MID1: variants seen among roughly 807,000 people sequenced by gnomAD.
The protein encoded by MID1 is E3 ubiquitin-protein ligase Midline-1.
MID1 carries 7 observed loss-of-function variants against 40.4 expected under a neutral mutation model. That is an observed-to-expected ratio of 0.17 (90% CI 0.10 to 0.33). The LOEUF is 0.33. Ranked by LOEUF, MID1 falls within the 10% of genes least tolerant of loss-of-function variation. The probability of loss-of-function intolerance (pLI) is 1.00; values close to 1 mark genes in which losing one functional copy is unlikely to be tolerated. For missense variants in MID1, 367 were observed against 558.5 expected, an observed-to-expected ratio of 0.66 and a Z score of 3.46; for synonymous variants, 229 against 221.2, an observed-to-expected ratio of 1.04 and a Z score of -0.31.
intron 1 of MID1, among the ~76,000 whole-genome samples, chrX:10,811,360 G>T (rs1313616039): frequency 8.9e-6 from 1 of 112,138 alleles, no homozygotes; most frequent in Non-Finnish European, 1.9e-5. Flanking sequence ...ATGAGCCAAA[G>T]ACTGTTGTAA....
chrX:10,720,413 A>T (rs183815268), intron 1 of MID1, among the ~76,000 whole-genome samples: 187 of 112,514 alleles, frequency 1.7e-3, no homozygotes, highest in Non-Finnish European at 3.0e-3. Flanking sequence ...CTTCTCAAAG[A>T]AGACATTTAT....
At chrX:10,483,777 T>C (rs760777355) in intron 4 of MID1, among the ~76,000 whole-genome samples, 17 of 111,796 alleles carry the variant, frequency 1.5e-4, no homozygotes, top group Middle Eastern at 4.7e-3. Flanking sequence ...AACTCTAATC[T>C]AAGAAAAGGA....
At chrX:10,533,751 C>G (rs1028444408) in intron 2 of MID1, among the ~76,000 whole-genome samples, 19 of 111,340 alleles carry the variant, frequency 1.7e-4, no homozygotes, top group African/African-American at 6.2e-4. Flanking sequence ...TGAATAAATT[C>G]CTGTTTTATT....
intron 1 of MID1, among the ~76,000 whole-genome samples, chrX:10,663,923 A>T (rs774183477): frequency 2.7e-5 from 3 of 111,897 alleles, no homozygotes; most frequent in African/African-American, 9.7e-5. Context: ...ACATTGTATG[A>T]GTATACACGC....
rs1034326411 is a variant in MID1, at chrX:10,470,423, T to A, written c.1142-583A>T. On this transcript the variant is annotated intron_variant, in intron 6 of 9. Transcript: ENST00000317552. ...TGACCTATTAATACGTGGTGCCAGATACTTATATCTTTAGGCACCCAATTG... is the reference window on the plus strand; with the variant it reads ...TGACCTATTAATACGTGGTGCCAGAAACTTATATCTTTAGGCACCCAATTG... Among the ~76,000 whole-genome samples the A allele has an allele frequency of 7.1e-5, 8 of 112,302 alleles. No homozygotes were observed. In the East Asian group the frequency reaches 2.2e-3, roughly 31 times the overall value.
intron 1 of MID1, among the ~76,000 whole-genome samples, chrX:10,670,152 C>A (rs1167578538): frequency 8.9e-6 from 1 of 112,125 alleles, no homozygotes; most frequent in Admixed American, 9.4e-5. Context: ...ATAGTAGATA[C>A]CAAATAATTG....
chrX:10,717,349 G>T (rs2043312441), intron 1 of MID1, among the ~76,000 whole-genome samples: 1 of 101,156 alleles, frequency 9.9e-6, no homozygotes, highest in South Asian at 4.6e-4. Context: ...GATGGAGGAA[G>T]ATCTACCAAG....
intron 1 of MID1, among the ~76,000 whole-genome samples, chrX:10,601,075 C>A (rs1458730139): frequency 8.9e-6 from 1 of 112,331 alleles, no homozygotes; most frequent in African/African-American, 3.2e-5. Flanking sequence ...AAGAAAAGGT[C>A]TTATTAGCTG....
chrX:10,452,960 GATTAATACAGCAC>G (rs1928438451), intron 9 of MID1, among the ~76,000 whole-genome samples: 1 of 111,802 alleles, frequency 8.9e-6, no homozygotes, highest in South Asian at 3.7e-4. Context: ...TTCTATCCCA[GATTAATACAGCAC>G]ATTAATTAAC....
intron 5 of MID1, among the ~76,000 whole-genome samples, chrX:10,481,656 G>T (rs1930334211): frequency 9.0e-6 from 1 of 110,901 alleles, no homozygotes; most frequent in Admixed American, 9.5e-5. Flanking sequence ...ATGTTAGTCA[G>T]GCTGGTCTCG....
rs200576171 is a variant in MID1, at chrX:10,463,469, A to ACAT, written c.1286-3665_1286-3663dup. On this transcript the variant is annotated intron_variant, in intron 7 of 9. Coordinates refer to ENST00000317552, the MANE Select transcript of MID1 (RefSeq NM_000381.4). ...CCATTAGACCTTGTCACGCAATACA[A>ACAT]CATCTGCAAAGGATACTTCTCCAAA... Among the ~76,000 whole-genome samples the ACAT allele has an allele frequency of 4.5e-3, 508 of 112,278 alleles. 5 individuals carry two copies. Among genetic ancestry groups the ACAT allele is most frequent in the African/African-American group, 0.016 (492 of 30,938 alleles).
intron 1 of MID1, among the ~76,000 whole-genome samples, chrX:10,647,622 G>A (rs1286269730): frequency 8.9e-6 from 1 of 111,952 alleles, no homozygotes; most frequent in East Asian, 2.8e-4. Context: ...CCACAAATAA[G>A]TAAGTTATCT....
intron 1 of MID1, among the ~76,000 whole-genome samples, chrX:10,787,682 A>T (rs2043897682): frequency 9.7e-6 from 1 of 102,978 alleles, no homozygotes; most frequent in Non-Finnish European, 2.0e-5. Context: ...AAGTGCTGGG[A>T]TTACAGGTCT....
At chrX:10,632,231 C>T (rs1008467268) in intron 1 of MID1, among the ~76,000 whole-genome samples, 5 of 111,599 alleles carry the variant, frequency 4.5e-5, no homozygotes, top group Admixed American at 9.5e-5. Flanking sequence ...CTATTCTAAC[C>T]CTCATATGTC....
chrX:10,547,004 T>C (rs1933706183), intron 2 of MID1, among the ~76,000 whole-genome samples: 1 of 112,430 alleles, frequency 8.9e-6, no homozygotes, highest in Admixed American at 9.4e-5. Flanking sequence ...ATTGAAAGTT[T>C]TGGGGGCCAG....
At chrX:10,552,594 GT>G (rs753329517) in intron 2 of MID1, among the ~76,000 whole-genome samples, 21 of 105,945 alleles carry the variant, frequency 2.0e-4, no homozygotes, top group East Asian at 8.8e-4. Context: ...TTTTTTAATT[GT>G]TTTTTTTTCA....
rs749995175 is a variant in MID1 at position 10,567,208 on chromosome X, C to A, written c.340G>T (p.Ala114Ser). 29 of 1,211,399 alleles carry A rather than the reference C, an allele frequency of 2.4e-5. No individual in the cohort carries two copies. Among genetic ancestry groups the A allele is most frequent in the Non-Finnish European group, 3.2e-5 (29 of 895,301 alleles). ...RAFDANTMTS[A>S]EKVLCQFCDQ... Reference sequence around the variant, plus strand: ...CAAAACTGGCAGAGGACCTTCTCGGCGGAGGTCATGGTGTTGGCGTCAAAG... The same window carrying A: ...CAAAACTGGCAGAGGACCTTCTCGGAGGAGGTCATGGTGTTGGCGTCAAAG... The change falls in exon 2 of 10, where the codon GCC becomes TCC. Residue 114 changes from alanine (A) to serine (S), a missense_variant. Ala to Ser is a moderately conservative substitution (Grantham distance 99). Transcript: ENST00000317552.
chrX:10,733,197 T>C (rs921919119), intron 1 of MID1, among the ~76,000 whole-genome samples: 4 of 111,854 alleles, frequency 3.6e-5, no homozygotes, highest in African/African-American at 1.3e-4. Flanking sequence ...CCAAGGTAAC[T>C]AAATGGGGAA....
intron 1 of MID1, among the ~76,000 whole-genome samples, chrX:10,593,917 G>A (rs1258367257): frequency 9.0e-6 from 1 of 110,988 alleles, no homozygotes; most frequent in African/African-American, 3.3e-5. Context: ...TAGCTACTGA[G>A]CACACAGTAG....
Sources: allele counts gnomAD v4.1 joint callset (sites outside exome capture counted in the v4.1 genomes callset), GRCh38; gene constraint gnomAD v4.1.1; transcripts MANE v1.5; gene names NCBI Gene and HGNC (gene_info 2026-07-23, HGNC 2026-07-21).